Variants in TERF1 observed in about 807,000 individuals in gnomAD.
TERF1 encodes the protein telomeric repeat binding factor 1, also known as telomeric repeat-binding factor 1.
TERF1 carries 20 observed loss-of-function variants against 55.1 expected under a neutral mutation model. The observed-to-expected ratio is 0.36, with a 90% CI of 0.26 to 0.53. The LOEUF (loss-of-function observed/expected upper bound fraction) is 0.53, where lower values mean the gene tolerates loss of function less well. Ranked by LOEUF, TERF1 falls within the 20% of genes least tolerant of loss-of-function variation. TERF1 has a pLI of 0.91. For missense variants in TERF1, 439 were observed against 535.7 expected (o/e 0.82, Z 1.78); for synonymous variants, 168 against 181.2 (o/e 0.93, Z 0.59).
Position 73,039,170 on chromosome 8 carries a change from C to T in TERF1, c.1094C>T (p.Ser365Leu). 5 of 1,605,412 alleles carry T rather than the reference C, an allele frequency of 3.1e-6. No homozygotes were observed. Among genetic ancestry groups the T allele is most frequent in the Non-Finnish European group, 4.3e-6 (5 of 1,176,346 alleles). Residue 365 changes from serine (S) to leucine (L), a missense_variant, in exon 9 of 10, where the codon TCA becomes TTA. Ser to Leu is a moderately radical substitution (Grantham distance 145, BLOSUM62 -2). Coordinates refer to ENST00000276603, the MANE Select transcript of TERF1 (RefSeq NM_017489.3). ...RRATESRIPVSKSQPVTPEKH... is the reference protein window; with the variant it reads ...RRATESRIPVLKSQPVTPEKH... Reference sequence around the variant, plus strand: ...GCCACTGAAAGCAGAATACCTGTTTCAAAGAGTCAGCCGGTAACTCCTGAA... The same window carrying T: ...GCCACTGAAAGCAGAATACCTGTTTTAAAGAGTCAGCCGGTAACTCCTGAA...
chr8:73,025,441 A>T (rs1323354192), intron 5 of TERF1, among the ~76,000 whole-genome samples: 2 of 151,244 alleles, frequency 1.3e-5, no homozygotes, highest in African/African-American at 4.9e-5. Context: ...GAAACCCCTT[A>T]TCTACAAAAA....
At chr8:73,022,700 A>G (rs1808817749) in intron 4 of TERF1, among the ~76,000 whole-genome samples, 1 of 152,200 alleles carries the variant, frequency 6.6e-6, no homozygotes, top group Admixed American at 6.5e-5. Context: ...TAATACCAGT[A>G]CTTTAGGAGG....
intron 6 of TERF1, among the ~76,000 whole-genome samples, chr8:73,027,469 C>T (rs768614309): frequency 6.6e-6 from 1 of 152,238 alleles, no homozygotes; most frequent in East Asian, 1.9e-4. Flanking sequence ...TGGTGCTCAA[C>T]TGAAGAAATA....
intron 8 of TERF1, among the ~76,000 whole-genome samples, chr8:73,032,886 T>C (rs1809349578): frequency 6.6e-6 from 1 of 151,944 alleles, no homozygotes; most frequent in Admixed American, 6.6e-5. Flanking sequence ...TTTTTTTTTA[T>C]ACTTTAAGTT....
chr8:73,024,808 TCTG>T lies in TERF1; in HGVS notation c.625-13_625-11del, dbSNP rs753316726. 11 of 1,531,316 alleles carry T rather than the reference TCTG, an allele frequency of 7.2e-6. No individual in the cohort carries two copies. The Admixed American group carries it at 2.2e-4, about 31-fold the overall frequency. 94.9% of individuals were successfully genotyped at this position (1,531,316 alleles called of 1,614,324 possible). Reference sequence around the variant, plus strand: ...GTGTGATTTATGTTAATATATTTCTTCTGTTTTCTTTAGCCTTTCAAAAGCAAA... The same window carrying T: ...GTGTGATTTATGTTAATATATTTCTTTTTTCTTTAGCCTTTCAAAAGCAAA... On this transcript the variant is annotated splice_polypyrimidine_tract_variant and intron_variant, in intron 4 of 9. Transcript: ENST00000276603.
chr8:73,035,484 G>T (rs1450565669), intron 8 of TERF1, among the ~76,000 whole-genome samples: 3 of 151,312 alleles, frequency 2.0e-5, no homozygotes, highest in African/African-American at 7.3e-5. Context: ...CCATTTGGAT[G>T]TGCACAGAGA....
At chr8:73,035,175 A>T (rs914230877) in intron 8 of TERF1, among the ~76,000 whole-genome samples, 4 of 152,182 alleles carry the variant, frequency 2.6e-5, no homozygotes, top group African/African-American at 9.7e-5. Context: ...TAGTTAATCA[A>T]CTTTAGTCTG....
chr8:73,016,437 C>CTTT (rs1203829786), intron 2 of TERF1, among the ~76,000 whole-genome samples: 2 of 135,738 alleles, frequency 1.5e-5, no homozygotes, highest in African/African-American at 2.7e-5. Flanking sequence ...GAACTTTAAG[C>CTTT]TTTTTTTTTT....
At chr8:73,015,428 A>G (rs1208283016) in intron 2 of TERF1, among the ~76,000 whole-genome samples, 1 of 151,924 alleles carries the variant, frequency 6.6e-6, no homozygotes, top group Non-Finnish European at 1.5e-5. Flanking sequence ...TAGGCCAGGC[A>G]TAGTGACTCA....
intron 2 of TERF1, among the ~76,000 whole-genome samples, chr8:73,015,362 A>C (rs1477069196): frequency 1.3e-5 from 2 of 148,580 alleles, no homozygotes; most frequent in Non-Finnish European, 3.0e-5. Flanking sequence ...TGCCTAATAG[A>C]GATATGTGAG....
At chr8:73,026,479 G>A (rs991247637) in intron 5 of TERF1, among the ~76,000 whole-genome samples, 3 of 152,210 alleles carry the variant, frequency 2.0e-5, no homozygotes, top group Non-Finnish European at 4.4e-5. Context: ...CAGCCTGGGT[G>A]ACAGAGTGAG....
rs897501642 is a variant in TERF1 at position 73,033,368 on chromosome 8, A to G, written c.1039+1235A>G. On this transcript the variant is annotated intron_variant, in intron 8 of 9. Coordinates refer to ENST00000276603, the MANE Select transcript of TERF1 (RefSeq NM_017489.3). ...ACCTATTGCTGCAAGACGGCTGGGA[A>G]TCATTTTAAATGAGAATAATGTGAG... is the stretch of plus-strand genomic sequence containing the variant. Among the ~76,000 whole-genome samples the G allele has an allele frequency of 5.9e-5, 9 of 152,260 alleles. No homozygotes were observed. The South Asian group carries it at 1.7e-3, about 28-fold the overall frequency.
At chr8:73,039,020 C>T in intron 8 of TERF1, 96 bp from the exon 9 acceptor site, 3 of 950,578 alleles carry the variant, frequency 3.2e-6, no homozygotes, top group Non-Finnish European at 4.6e-6. Flanking sequence ...CTTAGAATAG[C>T]TTAGAAAAGG....
chr8:73,014,374 G>T (rs563649717), intron 2 of TERF1, among the ~76,000 whole-genome samples: 1 of 152,182 alleles, frequency 6.6e-6, no homozygotes, highest in Non-Finnish European at 1.5e-5. Flanking sequence ...TCTTGGGGAA[G>T]TGTGTTTCAT....
chr8:73,014,820 G>A (rs1026179498), intron 2 of TERF1, among the ~76,000 whole-genome samples: 3 of 152,160 alleles, frequency 2.0e-5, no homozygotes, highest in Admixed American at 6.5e-5. Context: ...TGCTTTGTTT[G>A]GGGGGTGAGG....
intron 8 of TERF1, among the ~76,000 whole-genome samples, chr8:73,037,647 TATATTA>T (rs1486252933): frequency 8.1e-5 from 6 of 74,242 alleles, no homozygotes; most frequent in African/African-American, 2.9e-4. Flanking sequence ...ATATATAATA[TATATTA>T]TATGTATAAT....
At chr8:73,034,087 GACCACAGGCACATGCCGCCAC>G (rs1371207821) in intron 8 of TERF1, among the ~76,000 whole-genome samples, 4 of 151,732 alleles carry the variant, frequency 2.6e-5, no homozygotes, top group African/African-American at 9.7e-5. Flanking sequence ...AAGTAGCTGG[GACCACAGGCACATGCCGCCAC>G]ACCCTGCTAT....
chr8:73,042,453 T>G (rs889750465), intron 9 of TERF1, among the ~76,000 whole-genome samples: 13 of 151,862 alleles, frequency 8.6e-5, no homozygotes, highest in African/African-American at 3.2e-4. Context: ...TTATTTTGTA[T>G]TGAGGTTTTT....
intron 8 of TERF1, among the ~76,000 whole-genome samples, chr8:73,037,754 A>T (rs1206518611): frequency 1.2e-5 from 1 of 80,160 alleles, no homozygotes; most frequent in Non-Finnish European, 2.2e-5. Context: ...TATTATATAT[A>T]ATATTATATA....
Sources: gnomAD v4.1 joint callset for allele counts (sites outside exome capture counted in the v4.1 genomes callset) on GRCh38, gnomAD v4.1.1 for gene constraint, MANE v1.5 for transcripts, NCBI Gene and HGNC (gene_info 2026-07-23, HGNC 2026-07-21) for gene names.